The following MYBL2 variants were observed in gnomAD, a reference collection of about 807,000 sequenced individuals.
MYBL2 encodes the protein myb-related protein B.
Under a neutral mutation model 79.9 loss-of-function variants are expected in MYBL2, and 28 were observed. That is an observed-to-expected ratio of 0.35 (90% CI 0.26 to 0.48). The LOEUF is 0.48. MYBL2 is among the 20% of genes least tolerant of loss of function. The probability of loss-of-function intolerance (pLI) is 0.99; values close to 1 mark genes in which losing one functional copy is unlikely to be tolerated. For missense variants in MYBL2, 735 were observed against 893.9 expected (o/e 0.82, Z 2.27); for synonymous variants, 378 against 361.2 (o/e 1.05, Z -0.53).
At chr20:43,691,196 C>T (rs1055968195) in intron 5 of MYBL2, among the ~76,000 whole-genome samples, 2 of 152,106 alleles carry the variant, frequency 1.3e-5, no homozygotes, top group Non-Finnish European at 2.9e-5. Context: ...GCGTGAGACT[C>T]AGTGGAAATG....
At position 43,682,927 on chromosome 20, in the gene MYBL2, C is replaced by T. The variant is rs777842658; in HGVS notation, c.279+41C>T. The T allele has an allele frequency of 1.9e-6, 3 of 1,566,346 alleles. No individual in the cohort carries two copies. In the South Asian group the frequency reaches 3.3e-5, roughly 17 times the overall value. On this transcript the variant is annotated intron_variant, in intron 4 of 13. Coordinates refer to ENST00000217026, the MANE Select transcript of MYBL2 (RefSeq NM_002466.4). ...GTGCCTTGCACACAGTGGGTCTTCA[C>T]CCACCAGTGTACCTGGGGACTGTGA...
rs1265788112 is a variant in MYBL2 at position 43,706,752 on chromosome 20, A to G, written c.1505+1394A>G. 1.1e-4 allele frequency among the ~76,000 whole-genome samples: 9 copies of G among 82,462 alleles called. No individual in the cohort carries two copies. The Middle Eastern group carries it at 0.032, about 292-fold the overall frequency. 54.1% of individuals were successfully genotyped at this position (82,462 alleles called of 152,430 possible). Reference sequence around the variant, plus strand: ...TTTTTTTGAGATGGAGTCTTGCTTTATCACCCAGGCTGGAGTGCAGTGGTG... The same window carrying G: ...TTTTTTTGAGATGGAGTCTTGCTTTGTCACCCAGGCTGGAGTGCAGTGGTG... On this transcript the variant is annotated intron_variant, in intron 9 of 13. Transcript: ENST00000217026.
At position 43,692,315 on chromosome 20, in the gene MYBL2, G is replaced by T. The variant is rs951048432; in HGVS notation, c.659G>T (p.Gly220Val). 6.2e-7 allele frequency: 1 copy of T among 1,613,980 alleles called. No individual in the cohort carries two copies. The highest frequency in any genetic ancestry group is 2.2e-5 in the East Asian group (1 of 44,874). Residue 220 changes from glycine (G) to valine (V), a missense_variant, in exon 6 of 14, where the codon GGC (glycine) becomes GTC (valine). Coordinates refer to ENST00000217026, the MANE Select transcript of MYBL2 (RefSeq NM_002466.4). ...DGLQSAQPTE[G>V]QGSLLTNWPS... ...CTCCAGAGTGCCCAGCCCACGGAAGGCCAGGTGAGACAGCTGCTCAGCCTT... is the reference window on the plus strand; with the variant it reads ...CTCCAGAGTGCCCAGCCCACGGAAGTCCAGGTGAGACAGCTGCTCAGCCTT...
At position 43,702,904 on chromosome 20, in the gene MYBL2, G is replaced by GTGCGTGGACCCCACTC; in HGVS notation, c.1365+4_1365+19dup. On this transcript the variant is annotated splice_donor_variant, in intron 8 of 13. Transcript: ENST00000217026. LOFTEE classifies it high-confidence loss of function. The stretch of plus-strand genomic sequence containing the variant: ...GACCCTGCCCTTCTCGCCCTCCCAG[G>GTGCGTGGACCCCACTC]TGCGTGGACCCCACTCTGGCTGCTT... 1 of 1,583,336 alleles carries GTGCGTGGACCCCACTC rather than the reference G, an allele frequency of 6.3e-7. No homozygotes were observed.
At chr20:43,677,082 A>C (rs906037282) in intron 2 of MYBL2, among the ~76,000 whole-genome samples, 1 of 152,010 alleles carries the variant, frequency 6.6e-6, no homozygotes, top group Admixed American at 6.6e-5. Context: ...TGAGTGGTAA[A>C]CTCCTTTTAA....
intron 5 of MYBL2, among the ~76,000 whole-genome samples, chr20:43,687,363 T>C (rs1482583142): frequency 6.6e-6 from 1 of 152,184 alleles, no homozygotes; most frequent in Non-Finnish European, 1.5e-5. Context: ...CTGTGTCTTC[T>C]TGGTTAGCCT....
Position 43,681,802 on chromosome 20 carries a change from C to T in MYBL2, c.133C>T (p.Leu45=), listed in dbSNP as rs1354022791. Residue 45 remains leucine (L), a synonymous_variant, in exon 3 of 14, where the codon CTG becomes TTG. Transcript: ENST00000217026. ...TTGGCAGGACGAGCAGCTGAGGGCCCTGGTGAGGCAGTTTGGACAGCAGGA... is the reference window on the plus strand; with the variant it reads ...TTGGCAGGACGAGCAGCTGAGGGCCTTGGTGAGGCAGTTTGGACAGCAGGA... ...THEEDEQLRA[L]VRQFGQQDWK... The T allele has an allele frequency of 1.9e-6, 3 of 1,614,098 alleles. No homozygotes were observed. In the South Asian group the frequency reaches 3.3e-5, roughly 18 times the overall value.
At chr20:43,672,799 T>C (rs78513698) in intron 1 of MYBL2, among the ~76,000 whole-genome samples, 1 of 152,162 alleles carries the variant, frequency 6.6e-6, no homozygotes, top group Non-Finnish European at 1.5e-5. Context: ...GAATTTTTTT[T>C]CCAAATAACT....
At chr20:43,697,414 A>T (rs1021615843) in intron 6 of MYBL2, among the ~76,000 whole-genome samples, 63 of 151,296 alleles carry the variant, frequency 4.2e-4, no homozygotes, top group African/African-American at 1.5e-3. Flanking sequence ...GTTTGAGGCC[A>T]GCCTGGCCAA....
intron 7 of MYBL2, among the ~76,000 whole-genome samples, chr20:43,702,201 A>C (rs1987688337): frequency 6.6e-6 from 1 of 152,352 alleles, no homozygotes; most frequent in Admixed American, 6.5e-5. Flanking sequence ...CGGGAGGCTG[A>C]GGCGGGAGGA....
intron 1 of MYBL2, among the ~76,000 whole-genome samples, chr20:43,671,463 ATTTTTTTT>A (rs376522569): frequency 7.1e-5 from 5 of 70,882 alleles, no homozygotes; most frequent in African/African-American, 1.8e-4. Context: ...GCTGATTTCC[ATTTTTTTT>A]TTTTTTTTTT....
At chr20:43,687,456 C>A (rs778334193) in intron 5 of MYBL2, among the ~76,000 whole-genome samples, 81 of 152,056 alleles carry the variant, frequency 5.3e-4, no homozygotes, top group Non-Finnish European at 9.9e-4. Flanking sequence ...AGAAAATGAT[C>A]AAAAATCAGG....
At chr20:43,698,621 G>T (rs997873886) in intron 6 of MYBL2, among the ~76,000 whole-genome samples, 2 of 149,354 alleles carry the variant, frequency 1.3e-5, no homozygotes, top group South Asian at 4.3e-4. Flanking sequence ...CTTGTGATCC[G>T]CCCGTCTCGG....
Position 43,692,230 on chromosome 20 carries a change from G to C in MYBL2, c.574G>C (p.Glu192Gln). The C allele has an allele frequency of 6.2e-7, 1 of 1,614,182 alleles. No homozygotes were observed. The highest frequency in any genetic ancestry group is 8.5e-7 in the Non-Finnish European group (1 of 1,180,034). ...GGTGGACACAGGAGGCTTCTTGAGC[G>C]AGTCCAAAGACTGCAAGCCCCCAGT... ...RKVDTGGFLS[E>Q]SKDCKPPVYL... Residue 192 changes from glutamate to glutamine, a missense_variant, in exon 6 of 14, where the codon GAG becomes CAG. Physicochemically the swap from Glu to Gln is conservative, Grantham distance 29 (BLOSUM62 2). Transcript: ENST00000217026.
intron 5 of MYBL2, among the ~76,000 whole-genome samples, chr20:43,691,440 G>T (rs1987405503): frequency 6.6e-6 from 1 of 151,866 alleles, no homozygotes; most frequent in South Asian, 2.1e-4. Flanking sequence ...TCATGCCTCA[G>T]ACTCCCAAGT....
At chr20:43,677,165 A>G (rs1319227566) in intron 2 of MYBL2, among the ~76,000 whole-genome samples, 1 of 152,074 alleles carries the variant, frequency 6.6e-6, no homozygotes, top group Non-Finnish European at 1.5e-5. Context: ...ACCAGGGACT[A>G]TATTTGGCTC....
intron 8 of MYBL2, among the ~76,000 whole-genome samples, chr20:43,703,135 G>T (rs539726148): frequency 1.9e-4 from 29 of 152,326 alleles, no homozygotes; most frequent in Admixed American, 5.9e-4. Context: ...AAGACTGCCA[G>T]GAGGAGAAGG....
chr20:43,706,194 G>A (rs1159448416), intron 9 of MYBL2, among the ~76,000 whole-genome samples: 1 of 152,124 alleles, frequency 6.6e-6, no homozygotes, highest in Non-Finnish European at 1.5e-5. Flanking sequence ...AATCTCTTCC[G>A]CTTCCTAAGG....
chr20:43,690,838 C>T (rs1987389701), intron 5 of MYBL2, among the ~76,000 whole-genome samples: 1 of 152,200 alleles, frequency 6.6e-6, no homozygotes, highest in Non-Finnish European at 1.5e-5. Flanking sequence ...CCTGCCTCAG[C>T]CTCCCAAAGT....
Sources: gnomAD v4.1 joint callset for allele counts (sites outside exome capture counted in the v4.1 genomes callset) on GRCh38, gnomAD v4.1.1 for gene constraint, MANE v1.5 for transcripts, NCBI Gene and HGNC (gene_info 2026-07-23, HGNC 2026-07-21) for gene names.